Variants in ABLIM2 observed in about 807,000 individuals in gnomAD.
The protein encoded by ABLIM2 is actin-binding LIM protein 2.
In ABLIM2, 53 loss-of-function variants were observed where a neutral mutation model predicts 97.7. That is an observed-to-expected ratio of 0.54 (90% CI 0.44 to 0.68). The LOEUF (loss-of-function observed/expected upper bound fraction) is 0.68, where lower values mean the gene tolerates loss of function less well. ABLIM2 is among the 30% of genes least tolerant of loss of function. The pLI is 0.00. For synonymous variants in ABLIM2, 361 were observed against 345.8 expected (o/e 1.04, Z -0.49); for missense variants, 835 against 867.2 (o/e 0.96, Z 0.47).
At chr4:8,042,737 G>A (rs762244256) in intron 9 of ABLIM2, among the ~76,000 whole-genome samples, 7 of 151,746 alleles carry the variant, frequency 4.6e-5, no homozygotes, top group South Asian at 2.1e-4. Flanking sequence ...TACTTGAGAG[G>A]CTGAGGCAGG....
At chr4:8,078,879 C>A (rs1577298363) in intron 5 of ABLIM2, among the ~76,000 whole-genome samples, 1 of 152,350 alleles carries the variant, frequency 6.6e-6, no homozygotes, top group Non-Finnish European at 1.5e-5. Flanking sequence ...TGGCACAGAG[C>A]GAGGTACCTG....
intron 8 of ABLIM2, 79 bp from the exon 9 acceptor site, chr4:8,045,320 TC>T (rs2151757885): frequency 1.5e-6 from 2 of 1,295,636 alleles, no homozygotes; most frequent in Non-Finnish European, 2.2e-6. Flanking sequence ...GGAGTTCCAC[TC>T]CAGCAGCCAC....
chr4:8,040,039 AG>A (rs1262204911), intron 9 of ABLIM2, among the ~76,000 whole-genome samples: 1 of 152,182 alleles, frequency 6.6e-6, no homozygotes, highest in Non-Finnish European at 1.5e-5. Flanking sequence ...CTGCCCGCCA[AG>A]CCCTCACGGT....
In ABLIM2 at chr4:8,009,109, G is replaced by A. The variant is rs377270958; in HGVS notation, c.1424-7C>T. On this transcript the variant is annotated splice_polypyrimidine_tract_variant and splice_region_variant and intron_variant, in intron 14 of 20. Coordinates refer to ENST00000447017, the MANE Select transcript of ABLIM2 (RefSeq NM_001130083.2). ...CCATCCGATCGCCTGGCAGCTGGAA[G>A]GGAAAAATCCATTTGTAAAGGCCAC... is the stretch of plus-strand genomic sequence containing the variant. 1.2e-6 allele frequency: 2 copies of A among 1,613,924 alleles called. No individual in the cohort carries two copies. Among genetic ancestry groups the A allele is most frequent in the African/African-American group, 2.7e-5 (2 of 74,946 alleles).
chr4:8,036,179 G>C lies in ABLIM2; in HGVS notation c.1017C>G (p.His339Gln), dbSNP rs778684985. The C allele has an allele frequency of 2.3e-5, 37 of 1,613,820 alleles. 1 individual carries two copies. In the South Asian group the frequency reaches 3.7e-4, roughly 16 times the overall value. ...CGTAGCTCTGCCTGTCCCCTGCAGAGTGGCTGATGTAGGGTGAGTAGGAGA... is the reference window on the plus strand; with the variant it reads ...CGTAGCTCTGCCTGTCCCCTGCAGACTGGCTGATGTAGGGTGAGTAGGAGA... ...DMISYSPYIS[H>Q]SAGDRQSYGE... The change falls in exon 10 of 21, where the codon CAC (histidine) becomes CAG (glutamine). Residue 339 changes from histidine (H) to glutamine (Q), a missense_variant. Physicochemically the swap from His to Gln is conservative, Grantham distance 24 (BLOSUM62 0). Coordinates refer to ENST00000447017, the MANE Select transcript of ABLIM2 (RefSeq NM_001130083.2).
At chr4:8,006,755 G>T (rs1360272845) in intron 16 of ABLIM2, among the ~76,000 whole-genome samples, 4 of 152,214 alleles carry the variant, frequency 2.6e-5, no homozygotes, top group African/African-American at 9.6e-5. Context: ...GGGGGCACAG[G>T]CAGGCGCGCG....
Position 8,005,543 on chromosome 4 carries a change from A to G in ABLIM2, c.1618+2516T>C. 1 of 497,956 alleles carries G rather than the reference A, an allele frequency of 2.0e-6. No individual in the cohort carries two copies. The highest frequency in any genetic ancestry group is 4.1e-6 in the Non-Finnish European group (1 of 243,714). The allele number at this position is 497,956 out of a possible 1,614,324, so 30.8% of individuals were successfully genotyped here. A position where few individuals can be genotyped will look rare whatever the true frequency, so the allele number is the denominator to read the frequency against. On this transcript the variant is annotated intron_variant, in intron 16 of 20. Transcript: ENST00000447017. The surrounding 1 kb of genome is among the most constrained non-coding windows in gnomAD (Gnocchi z 4.9). ...CTGGGGGCTACTTGGTGACAATCAA[A>G]AGAACCCCGAGAGAAAAAAAAGGGT...
chr4:8,027,632 A>G, intron 12 of ABLIM2, 127 bp downstream of exon 12: 1 of 646,756 alleles, frequency 1.5e-6, no homozygotes. Context: ...AGACACACAC[A>G]GAGAGGGGCA....
rs1257482224 is a variant in ABLIM2 at position 8,046,703 on chromosome 4, A to G, written c.823-1462T>C. Among the ~76,000 whole-genome samples the G allele has an allele frequency of 1.3e-5, 2 of 152,220 alleles. No individual in the cohort carries two copies. The highest frequency in any genetic ancestry group is 2.9e-5 in the Non-Finnish European group (2 of 68,038). ...ACAGTGGATGGGCTGATCTGTGTCC[A>G]CATTCGTAGGTTGAATCCTAACCCC... On this transcript the variant is annotated intron_variant, in intron 8 of 20. Coordinates refer to ENST00000447017, the MANE Select transcript of ABLIM2 (RefSeq NM_001130083.2). The surrounding 1 kb of genome is among the most constrained non-coding windows in gnomAD (Gnocchi z 4.4).
intron 1 of ABLIM2, among the ~76,000 whole-genome samples, chr4:8,156,381 T>C (rs1414156171): frequency 6.6e-6 from 1 of 152,180 alleles, no homozygotes; most frequent in African/African-American, 2.4e-5. Flanking sequence ...GCTAGGACAT[T>C]GGATTCGGAT....
chr4:8,093,030 G>T (rs1047832975), intron 3 of ABLIM2, among the ~76,000 whole-genome samples: 2 of 151,964 alleles, frequency 1.3e-5, no homozygotes, highest in Admixed American at 1.3e-4. Context: ...TGTATTTTTA[G>T]TAGAGACAGG....
chr4:8,030,895 C>G (rs540466041), intron 10 of ABLIM2, among the ~76,000 whole-genome samples: 11 of 152,340 alleles, frequency 7.2e-5, no homozygotes, highest in Admixed American at 6.5e-4. Context: ...GCTGCTGGCT[C>G]TGCAGGTGGG....
intron 2 of ABLIM2, among the ~76,000 whole-genome samples, chr4:8,100,485 A>C (rs1399136219): frequency 1.6e-4 from 25 of 152,120 alleles, no homozygotes; most frequent in Non-Finnish European, 3.7e-4. Context: ...GGTGGCTCAC[A>C]CCTGAAATAC....
At chr4:8,051,562 CAAA>C (rs36056609) in intron 8 of ABLIM2, among the ~76,000 whole-genome samples, 1 of 107,920 alleles carries the variant, frequency 9.3e-6, no homozygotes. Context: ...GATTCCATCT[CAAA>C]AAAAAAAAAA....
At chr4:8,036,363 A>G in intron 9 of ABLIM2, 68 bp from the exon 10 acceptor site, 1 of 1,560,626 alleles carries the variant, frequency 6.4e-7, no homozygotes. Flanking sequence ...GCACCCCCAA[A>G]GCCGGATGCA....
At chr4:8,146,266 A>AT (rs1481099262) in intron 1 of ABLIM2, among the ~76,000 whole-genome samples, 1 of 152,196 alleles carries the variant, frequency 6.6e-6, no homozygotes, top group Non-Finnish European at 1.5e-5. Flanking sequence ...AATCCTTTCA[A>AT]TAACAACACG....
intron 1 of ABLIM2, among the ~76,000 whole-genome samples, chr4:8,126,834 G>A (rs1561583945): frequency 2.0e-5 from 3 of 152,088 alleles, no homozygotes; most frequent in Admixed American, 6.5e-5. Flanking sequence ...GAGAGGCTGA[G>A]ATGGGAGAAC....
intron 9 of ABLIM2, among the ~76,000 whole-genome samples, chr4:8,037,306 G>A (rs527419552): frequency 2.2e-4 from 33 of 148,992 alleles, no homozygotes; most frequent in South Asian, 1.3e-3. Context: ...ACACACACAC[G>A]CACATGCATG....
At chr4:8,009,896 G>A (rs1481417642) in intron 14 of ABLIM2, among the ~76,000 whole-genome samples, 2 of 152,116 alleles carry the variant, frequency 1.3e-5, no homozygotes, top group African/African-American at 4.8e-5. Context: ...CTCGCCCAAG[G>A]TCACGGGCAA....
Sources: allele counts gnomAD v4.1 joint callset (sites outside exome capture counted in the v4.1 genomes callset), GRCh38; gene constraint gnomAD v4.1.1; non-coding constraint Gnocchi (gnomAD v3.1); transcripts MANE v1.5; gene names NCBI Gene and HGNC (gene_info 2026-07-23, HGNC 2026-07-21).